LNX2: variants seen among roughly 807,000 people sequenced by gnomAD.
The protein encoded by LNX2 is ligand of numb-protein X 2, also known as ligand of Numb protein X 2.
LNX2 carries 35 observed loss-of-function variants against 66.2 expected under a neutral mutation model. The ratio of observed to expected loss-of-function variants is 0.53; its 90% CI spans 0.40 to 0.70. The LOEUF (loss-of-function observed/expected upper bound fraction) is 0.70. Among genes scored for constraint, LNX2 ranks in the 30% least tolerant of loss-of-function variants. The probability of loss-of-function intolerance (pLI) is 0.00; values close to 1 mark genes in which losing one functional copy is unlikely to be tolerated. For synonymous variants in LNX2, 337 were observed against 315.6 expected, an observed-to-expected ratio of 1.07 and a Z score of -0.72; for missense variants, 791 against 850.8, an observed-to-expected ratio of 0.93 and a Z score of 0.87.
chr13:27,590,251 TA>T (rs1382221514), intron 1 of LNX2, among the ~76,000 whole-genome samples: 1 of 152,090 alleles, frequency 6.6e-6, no homozygotes, highest in Non-Finnish European at 1.5e-5. Flanking sequence ...TTTATTTATT[TA>T]TTTTTTGAGT....
Position 27,583,090 on chromosome 13 carries a change from C to G in LNX2, c.-100-1287G>C, listed in dbSNP as rs1360638044. On this transcript the variant is annotated intron_variant, in intron 1 of 9. Coordinates refer to ENST00000316334, the MANE Select transcript of LNX2 (RefSeq NM_153371.4). ...AAAAACCTGCCAAAATTCAATTAAA[C>G]AGATAAGATATGTTATACATTTCAA... Among the ~76,000 whole-genome samples the G allele has an allele frequency of 2.0e-5, 3 of 151,674 alleles. No homozygotes were observed. The East Asian group carries it at 5.8e-4, about 29-fold the overall frequency.
At chr13:27,590,793 T>C (rs1053983330) in intron 1 of LNX2, among the ~76,000 whole-genome samples, 5 of 152,106 alleles carry the variant, frequency 3.3e-5, no homozygotes, top group African/African-American at 9.7e-5. Flanking sequence ...TAAAATAATA[T>C]CATGGTGATA....
At chr13:27,617,023 T>C (rs1184556259) in intron 1 of LNX2, among the ~76,000 whole-genome samples, 1 of 152,212 alleles carries the variant, frequency 6.6e-6, no homozygotes, top group Non-Finnish European at 1.5e-5. Flanking sequence ...GCTAGAATTA[T>C]AAGCGTGAGT....
chr13:27,553,242 A>C lies in LNX2; in HGVS notation c.1744T>G (p.Ser582Ala). ...FSENEYDASW[S>A]PSWVMWLGLP... ...CCAAGCCACATGACCCATGATGGGG[A>C]CCAACTGGCATCATACTCATTTTCG... is the stretch of plus-strand genomic sequence containing the variant. Residue 582 changes from serine to alanine, a missense_variant, in exon 8 of 10, where the codon TCC becomes GCC. Coordinates refer to ENST00000316334, the MANE Select transcript of LNX2 (RefSeq NM_153371.4). 1.2e-6 allele frequency: 2 copies of C among 1,614,140 alleles called. No individual in the cohort carries two copies. The highest frequency in any genetic ancestry group is 2.2e-5 in the South Asian group (2 of 91,080).
chr13:27,616,168 C>T (rs1480565857), intron 1 of LNX2, among the ~76,000 whole-genome samples: 1 of 2,988 alleles, frequency 3.3e-4, no homozygotes, highest in Non-Finnish European at 6.8e-4. Flanking sequence ...TGCAGGGGGT[C>T]GGGGGTGGGG....
At chr13:27,605,460 C>A in intron 1 of LNX2, among the ~76,000 whole-genome samples, 1 of 152,140 alleles carries the variant, frequency 6.6e-6, no homozygotes, top group African/African-American at 2.4e-5. Flanking sequence ...AACTATGTGG[C>A]ATAAACTAAA....
At chr13:27,583,614 C>T (rs1404539333) in intron 1 of LNX2, among the ~76,000 whole-genome samples, 1 of 152,118 alleles carries the variant, frequency 6.6e-6, no homozygotes, top group Non-Finnish European at 1.5e-5. Flanking sequence ...GCCAGGAATG[C>T]TCCCCTCATC....
intron 4 of LNX2, among the ~76,000 whole-genome samples, chr13:27,564,739 A>T (rs911908199): frequency 5.3e-5 from 8 of 152,206 alleles, no homozygotes; most frequent in African/African-American, 1.4e-4. Flanking sequence ...TGGTCTGCAA[A>T]TCAACCATCT....
chr13:27,620,039 G>A (rs1162812458), intron 1 of LNX2, among the ~76,000 whole-genome samples: 1 of 152,088 alleles, frequency 6.6e-6, no homozygotes, highest in Non-Finnish European at 1.5e-5. Flanking sequence ...CTTCCCTTAA[G>A]AAGCAAACGA....
chr13:27,559,450 T>A (rs936486647), intron 6 of LNX2, among the ~76,000 whole-genome samples: 1 of 152,228 alleles, frequency 6.6e-6, no homozygotes, highest in Admixed American at 6.5e-5. Flanking sequence ...TTATTAAGCA[T>A]AGATTTGTCA....
chr13:27,556,692 ATTTG>A lies in LNX2; in HGVS notation c.1369-283_1369-280del, dbSNP rs145682921. Among the ~76,000 whole-genome samples the A allele has an allele frequency of 7.7e-4, 118 of 152,320 alleles. 2 individuals carry two copies. The East Asian group carries it at 0.019, about 25-fold the overall frequency. ...GTAAAATAAGCACATCATTTGTATA[ATTTG>A]TTTGAGCTTCATGTTTGATCAACTT... On this transcript the variant is annotated intron_variant, in intron 6 of 9. Transcript: ENST00000316334.
chr13:27,586,805 A>C (rs1364974060), intron 1 of LNX2, among the ~76,000 whole-genome samples: 4 of 152,246 alleles, frequency 2.6e-5, no homozygotes, highest in Admixed American at 2.0e-4. Context: ...TATTGCTGGA[A>C]TAGTAAAGAG....
intron 6 of LNX2, among the ~76,000 whole-genome samples, chr13:27,558,935 G>T (rs1465235299): frequency 6.6e-6 from 1 of 152,088 alleles, no homozygotes; most frequent in African/African-American, 2.4e-5. Context: ...TCACTCAAAT[G>T]TTACTTTCAG....
chr13:27,553,467 G>C lies in LNX2; in HGVS notation c.1547-28C>G, dbSNP rs376460739. On this transcript the variant is annotated intron_variant, in intron 7 of 9. Transcript: ENST00000316334. ...GTTCAGATGAAGAAACAAGAAAAAT[G>C]AGCTGAGCCACTGAGTTTTCACCTG... 7.0e-6 allele frequency: 11 copies of C among 1,571,240 alleles called. No individual in the cohort carries two copies. The African/African-American group carries it at 1.5e-4, about 21-fold the overall frequency.
chr13:27,611,194 T>C (rs866552453), intron 1 of LNX2, among the ~76,000 whole-genome samples: 1 of 152,122 alleles, frequency 6.6e-6, no homozygotes, highest in Non-Finnish European at 1.5e-5. Context: ...AGCCAAGAGG[T>C]AGAAGGAACC....
At chr13:27,560,055 G>A in intron 5 of LNX2, 70 bp from the exon 6 acceptor site, 1 of 1,353,682 alleles carries the variant, frequency 7.4e-7, no homozygotes, top group African/African-American at 1.5e-5. Flanking sequence ...TACACACAGT[G>A]TAATTTTCAA....
At chr13:27,567,986 G>GA (rs1955227176) in intron 3 of LNX2, 147 bp from the exon 4 acceptor site, 1 of 695,498 alleles carries the variant, frequency 1.4e-6, no homozygotes, top group South Asian at 1.8e-5. Flanking sequence ...GAAACAAAAT[G>GA]ACAAAATATC....
At position 27,562,557 on chromosome 13, in the gene LNX2, A is replaced by C; in HGVS notation, c.1080T>G (p.Asp360Glu). 1.9e-6 allele frequency: 3 copies of C among 1,614,160 alleles called. No individual in the cohort carries two copies. Among genetic ancestry groups the C allele is most frequent in the Non-Finnish European group, 2.5e-6 (3 of 1,180,020 alleles). ...QLGIKLVRRT[D>E]EPGVFILDLL... ...GGTCAAGAATAAAAACCCCTGGCTCATCTGTCCTTCGCACCAATTTAATGC... is the reference window on the plus strand; with the variant it reads ...GGTCAAGAATAAAAACCCCTGGCTCCTCTGTCCTTCGCACCAATTTAATGC... Residue 360 changes from aspartate (D) to glutamate (E), a missense_variant, in exon 5 of 10, where the codon GAT becomes GAG. By Grantham distance (45) the Asp-to-Glu change is conservative. Transcript: ENST00000316334.
chr13:27,562,851 G>A, intron 4 of LNX2, 70 bp from the exon 5 acceptor site: 2 of 1,495,020 alleles, frequency 1.3e-6, no homozygotes, highest in Non-Finnish European at 1.8e-6. Flanking sequence ...ATGTTTATGT[G>A]ACATTTCCAC....
Sources: gnomAD v4.1 joint callset for allele counts (sites outside exome capture counted in the v4.1 genomes callset) on GRCh38, gnomAD v4.1.1 for gene constraint, MANE v1.5 for transcripts, NCBI Gene and HGNC (gene_info 2026-07-23, HGNC 2026-07-21) for gene names.